ZNF568: variants seen among roughly 807,000 people sequenced by gnomAD.
ZNF568 encodes p53 inhibitor of SCO2 activation.
A neutral mutation model predicts 18.1 loss-of-function variants in ZNF568; 11 were observed. The ratio of observed to expected loss-of-function variants is 0.61; its 90% CI spans 0.38 to 1.00. The LOEUF is 1.00. ZNF568 is among the 50% of genes least tolerant of loss of function. The pLI, the probability that ZNF568 is intolerant of heterozygous loss-of-function variation, is 0.01. For missense variants in ZNF568, 639 were observed against 768.2 expected, an observed-to-expected ratio of 0.83 and a Z score of 1.99; for synonymous variants, 213 against 246.6, an observed-to-expected ratio of 0.86 and a Z score of 1.28.
chr19:36,975,652 G>A (rs550707800), intron 7 of ZNF568, among the ~76,000 whole-genome samples: 62 of 150,208 alleles, frequency 4.1e-4, no homozygotes, highest in African/African-American at 1.4e-3. Context: ...CCAAAGTGCT[G>A]GCAGCAGGCG....
chr19:36,944,008 G>C (rs1456217444), intron 6 of ZNF568, among the ~76,000 whole-genome samples: 2 of 152,068 alleles, frequency 1.3e-5, no homozygotes, highest in South Asian at 2.1e-4. Context: ...TGATATTGTG[G>C]AGACTGCAGT....
At chr19:36,943,318 C>T (rs1430707158) in intron 6 of ZNF568, among the ~76,000 whole-genome samples, 1 of 99,706 alleles carries the variant, frequency 1.0e-5, no homozygotes, top group Non-Finnish European at 2.1e-5. Context: ...TAGCCTAGAT[C>T]CATTATTTTA....
At chr19:36,968,221 A>C (rs2074208549) in intron 6 of ZNF568, among the ~76,000 whole-genome samples, 1 of 151,716 alleles carries the variant, frequency 6.6e-6, no homozygotes, top group African/African-American at 2.4e-5. Context: ...AATACATACA[A>C]ATTTATATGA....
chr19:36,942,037 G>A (rs1045092251), intron 6 of ZNF568, among the ~76,000 whole-genome samples: 7 of 148,690 alleles, frequency 4.7e-5, no homozygotes, highest in Admixed American at 4.7e-4. Context: ...AGGCTGGAGT[G>A]CAATGGCGTG....
chr19:36,932,092 G>T (rs1316185125), intron 4 of ZNF568, among the ~76,000 whole-genome samples: 1 of 152,110 alleles, frequency 6.6e-6, no homozygotes, highest in African/African-American at 2.4e-5. Flanking sequence ...ATATTCTCTT[G>T]TAGGGATATA....
At chr19:36,982,854 A>G (rs1368015819), downstream of ZNF568, among the ~76,000 whole-genome samples, 1 of 152,198 alleles carries the variant, frequency 6.6e-6, no homozygotes, top group Non-Finnish European at 1.5e-5. Flanking sequence ...GAATTTTTAC[A>G]TATTACTGGA....
chr19:36,957,411 T>C (rs1195716992), downstream of ZNF568, among the ~76,000 whole-genome samples: 13 of 151,960 alleles, frequency 8.6e-5, no homozygotes, highest in Non-Finnish European at 1.8e-4. Flanking sequence ...TTTGTATTTT[T>C]AGTAAAGATG....
Position 36,992,665 on chromosome 19 carries a change from A to G in ZNF568, c.229+819A>G, listed in dbSNP as rs888199498. 2.0e-5 allele frequency among the ~76,000 whole-genome samples: 3 copies of G among 152,152 alleles called. No individual in the cohort carries two copies. In the South Asian group the frequency reaches 6.2e-4, roughly 32 times the overall value. On this transcript the variant is annotated intron_variant, in intron 4 of 4. Coordinates refer to the ZNF568 transcript ENST00000433993. Reference sequence around the variant, plus strand: ...GGTCCAGTTTTGTCCTGACTTTTTAAAACAGTTTTATTGAGATATCATAAA... The same window carrying G: ...GGTCCAGTTTTGTCCTGACTTTTTAGAACAGTTTTATTGAGATATCATAAA...
intron 6 of ZNF568, 31 bp from the exon 7 acceptor site, chr19:36,949,481 A>G: frequency 6.5e-7 from 1 of 1,531,592 alleles, no homozygotes; most frequent in Non-Finnish European, 8.7e-7. Context: ...AGAATAATTC[A>G]CAAGTAATAA....
downstream of ZNF568, among the ~76,000 whole-genome samples, chr19:36,956,786 T>C (rs923137857): frequency 1.3e-5 from 2 of 151,860 alleles, no homozygotes; most frequent in Non-Finnish European, 2.9e-5. Context: ...TTGGTAGAGA[T>C]GGGGTTTCAC....
intron 4 of ZNF568, among the ~76,000 whole-genome samples, chr19:36,934,105 G>A (rs1342546177): frequency 1.3e-5 from 2 of 150,908 alleles, no homozygotes; most frequent in Non-Finnish European, 3.0e-5. Flanking sequence ...TGTAAGATTA[G>A]TAGTAATGTT....
chr19:36,985,503 G>A (rs1225688149), intron 2 of ZNF568, among the ~76,000 whole-genome samples: 1 of 119,022 alleles, frequency 8.4e-6, no homozygotes, highest in Admixed American at 8.6e-5. Context: ...GCATGTTTTT[G>A]TTTGTTTGTT....
intron 4 of ZNF568, among the ~76,000 whole-genome samples, chr19:36,995,803 A>G (rs2074465445): frequency 6.6e-6 from 1 of 152,180 alleles, no homozygotes; most frequent in Non-Finnish European, 1.5e-5. Context: ...AATCTTACAT[A>G]AATACTTTGC....
At chr19:36,996,018 A>G (rs2046076185) in intron 4 of ZNF568, among the ~76,000 whole-genome samples, 1 of 152,164 alleles carries the variant, frequency 6.6e-6, no homozygotes, top group African/African-American at 2.4e-5. Flanking sequence ...AATTAGGGAG[A>G]GGATCTTAGG....
chr19:36,969,523 G>C (rs1232368119), intron 6 of ZNF568, among the ~76,000 whole-genome samples: 1 of 152,118 alleles, frequency 6.6e-6, no homozygotes. Flanking sequence ...AGTGTGAAAT[G>C]AGTCCTGTGG....
intron 6 of ZNF568, among the ~76,000 whole-genome samples, chr19:36,948,014 T>A (rs2073994282): frequency 6.6e-6 from 1 of 152,236 alleles, no homozygotes; most frequent in South Asian, 2.1e-4. Context: ...GTCCATAATT[T>A]ACATTAGGGT....
chr19:36,996,763 C>G (rs1434987440), exon 5 of ZNF568: 1 of 1,545,860 alleles, frequency 6.5e-7, no homozygotes, highest in South Asian at 1.2e-5. Flanking sequence ...TACTCAACCT[C>G]AGAGCATTAA....
Position 36,951,660 on chromosome 19 carries a change from A to T in ZNF568, c.*572A>T, listed in dbSNP as rs1050975443. On this transcript the variant is annotated 3_prime_UTR_variant, in exon 7 of 7. Coordinates refer to ENST00000333987, the MANE Select transcript of ZNF568 (RefSeq NM_198539.4). ...ATTACAACATTACGACATACTAAAA[A>T]ATCAATATTCTTTTTTTTTTTTTTT... is the stretch of plus-strand genomic sequence containing the variant. 1 of 150,548 alleles carries T rather than the reference A, an allele frequency of 6.6e-6. No individual in the cohort carries two copies. The highest frequency in any genetic ancestry group is 2.5e-5 in the African/African-American group (1 of 40,782). 9.3% of individuals were successfully genotyped at this position (150,548 alleles called of 1,614,324 possible). A position where few individuals can be genotyped will look rare whatever the true frequency, so the allele number is the denominator to read the frequency against.
At chr19:36,993,240 G>T (rs1027880249) in intron 4 of ZNF568, among the ~76,000 whole-genome samples, 3 of 152,110 alleles carry the variant, frequency 2.0e-5, no homozygotes, top group Non-Finnish European at 2.9e-5. Context: ...GAATATGTTT[G>T]ATTACATTGA....
Sources: allele counts gnomAD v4.1 joint callset (sites outside exome capture counted in the v4.1 genomes callset), GRCh38; gene constraint gnomAD v4.1.1; transcripts MANE v1.5; gene names NCBI Gene and HGNC (gene_info 2026-07-23, HGNC 2026-07-21).